The following SRPK2 variants were observed in gnomAD, a reference collection of about 807,000 sequenced individuals.
SRPK2 encodes the protein SRSF protein kinase 2.
Under a neutral mutation model 90.8 loss-of-function variants are expected in SRPK2, and 21 were observed. The ratio of observed to expected loss-of-function variants is 0.23; its 90% CI spans 0.16 to 0.33. The LOEUF is 0.33. SRPK2 is among the 10% of genes least tolerant of loss of function. The probability of loss-of-function intolerance (pLI) is 1.00; values close to 1 mark genes in which losing one functional copy is unlikely to be tolerated. For missense variants in SRPK2, 620 were observed against 869.0 expected (o/e 0.71, Z 3.60); for synonymous variants, 288 against 311.1 (o/e 0.93, Z 0.78).
At chr7:105,389,527 A>T (rs1032094968), upstream of SRPK2, 3 of 745,278 alleles carry the variant, frequency 4.0e-6, no homozygotes, top group Non-Finnish European at 5.3e-6. Flanking sequence ...GAAGGAAAAG[A>T]TACAGATAGC....
intron 2 of SRPK2, among the ~76,000 whole-genome samples, chr7:105,325,757 T>C (rs1813506062): frequency 6.6e-6 from 1 of 152,090 alleles, no homozygotes; most frequent in African/African-American, 2.4e-5. Flanking sequence ...GGGATACTGA[T>C]GCAGGGGGAT....
At chr7:105,286,991 G>A (rs1201322343) in intron 2 of SRPK2, among the ~76,000 whole-genome samples, 1 of 152,158 alleles carries the variant, frequency 6.6e-6, no homozygotes, top group African/African-American at 2.4e-5. Context: ...GCCGGGCGCG[G>A]TGGCTCACGC....
chr7:105,252,232 T>C (rs1435242702), intron 2 of SRPK2, among the ~76,000 whole-genome samples: 1 of 152,166 alleles, frequency 6.6e-6, no homozygotes, highest in Admixed American at 6.5e-5. Context: ...ATTACTAATT[T>C]GAGTTACAAT....
At chr7:105,121,655 G>A (rs1378460568) in intron 15 of SRPK2, among the ~76,000 whole-genome samples, 1 of 152,150 alleles carries the variant, frequency 6.6e-6, no homozygotes, top group Non-Finnish European at 1.5e-5. Flanking sequence ...GAAACAGCTT[G>A]AAAGAGCCAA....
chr7:105,183,466 G>GT (rs756098443), intron 3 of SRPK2, among the ~76,000 whole-genome samples: 1 of 151,660 alleles, frequency 6.6e-6, no homozygotes, highest in East Asian at 1.9e-4. Context: ...TGGCTAGCGG[G>GT]TTTTTTTTGT....
chr7:105,163,298 A>C (rs1328562036), intron 6 of SRPK2, among the ~76,000 whole-genome samples: 1 of 152,214 alleles, frequency 6.6e-6, no homozygotes. Flanking sequence ...GAATTCTAAA[A>C]TCAAAGCAAT....
At chr7:105,330,750 C>G (rs1814210753) in intron 2 of SRPK2, among the ~76,000 whole-genome samples, 1 of 151,926 alleles carries the variant, frequency 6.6e-6, no homozygotes, top group African/African-American at 2.4e-5. Context: ...GAGGCCAAGG[C>G]AGGAGGACTG....
At chr7:105,305,187 C>T (rs1431503030) in intron 2 of SRPK2, among the ~76,000 whole-genome samples, 3 of 152,160 alleles carry the variant, frequency 2.0e-5, no homozygotes, top group African/African-American at 7.2e-5. Flanking sequence ...TGCCTGTAAT[C>T]CCAGCACTTT....
intron 2 of SRPK2, among the ~76,000 whole-genome samples, chr7:105,249,626 G>C (rs1456211636): frequency 1.3e-5 from 2 of 151,968 alleles, no homozygotes; most frequent in African/African-American, 4.8e-5. Context: ...CACCATTTTG[G>C]GCATCAGTTT....
At position 105,301,507 on chromosome 7, in the gene SRPK2, G is replaced by A. The variant is rs537571002; in HGVS notation, c.71+87141C>T. The A allele has an allele frequency of 7.1e-5, 97 of 1,357,132 alleles. 2 individuals are homozygous for A. In the Middle Eastern group the frequency reaches 2.0e-3, roughly 28 times the overall value. The allele number at this position is 1,357,132 out of a possible 1,614,324, so 84.1% of individuals were successfully genotyped here. A position where few individuals can be genotyped will look rare whatever the true frequency, so the allele number is the denominator to read the frequency against. ...GCACCGTCCACTCAGGAGGCGCCCC[G>A]CAACCGGTGTGACGAGTGCCAACGA... is the stretch of plus-strand genomic sequence containing the variant. On this transcript the variant is annotated intron_variant, in intron 2 of 15. Coordinates refer to ENST00000393651, the MANE Select transcript of SRPK2 (RefSeq NM_182692.3).
At chr7:105,370,645 T>C (rs1223384998) in intron 2 of SRPK2, among the ~76,000 whole-genome samples, 1 of 142,832 alleles carries the variant, frequency 7.0e-6, no homozygotes, top group Non-Finnish European at 1.5e-5. Context: ...AGACAGACTC[T>C]CGCTCTGCAC....
At chr7:105,336,461 A>G (rs908300873) in intron 2 of SRPK2, among the ~76,000 whole-genome samples, 2 of 152,160 alleles carry the variant, frequency 1.3e-5, no homozygotes, top group African/African-American at 2.4e-5. Flanking sequence ...TCAAACATGT[A>G]TATGTACCAG....
At chr7:105,306,400 A>G in intron 2 of SRPK2, 1 of 412,516 alleles carries the variant, frequency 2.4e-6, no homozygotes, top group Non-Finnish European at 4.7e-6. Flanking sequence ...AGTACGTATC[A>G]CTAGAACCAA....
At chr7:105,314,176 T>A (rs924313859) in intron 2 of SRPK2, among the ~76,000 whole-genome samples, 2 of 151,566 alleles carry the variant, frequency 1.3e-5, no homozygotes, top group African/African-American at 4.8e-5. Context: ...ACTAAAAATA[T>A]GAAAAATTAA....
upstream of SRPK2, among the ~76,000 whole-genome samples, chr7:105,390,305 C>T (rs1822123845): frequency 1.3e-5 from 2 of 152,112 alleles, no homozygotes; most frequent in Admixed American, 6.6e-5. Context: ...TATCCCTTGT[C>T]GCTGATTTTC....
chr7:105,168,203 C>T lies in SRPK2; in HGVS notation c.339-108G>A, dbSNP rs1050443959. ...ATTGGAAAATGTAAAATCCAAAATG[C>T]GCCAAAACCTAAAACATTATGAGTG... On this transcript the variant is annotated intron_variant, in intron 4 of 15. Coordinates refer to ENST00000393651, the MANE Select transcript of SRPK2 (RefSeq NM_182692.3). The T allele has an allele frequency of 2.6e-5, 22 of 850,922 alleles. No individual in the cohort carries two copies. The African/African-American group carries it at 2.9e-4, about 11-fold the overall frequency. The allele number at this position is 850,922 out of a possible 1,614,324, so 52.7% of individuals were successfully genotyped here.
At chr7:105,139,599 T>A (rs1803399135) in intron 11 of SRPK2, among the ~76,000 whole-genome samples, 1 of 152,208 alleles carries the variant, frequency 6.6e-6, no homozygotes, top group South Asian at 2.1e-4. Flanking sequence ...ATAAGTCTTA[T>A]GACTTGCCTG....
intron 3 of SRPK2, among the ~76,000 whole-genome samples, chr7:105,187,546 T>C (rs1477975672): frequency 6.6e-6 from 1 of 152,226 alleles, no homozygotes; most frequent in Non-Finnish European, 1.5e-5. Flanking sequence ...CTGTCAGCTT[T>C]TACCTTCCTG....
chr7:105,204,512 C>T, intron 2 of SRPK2: 1 of 375,108 alleles, frequency 2.7e-6, no homozygotes, highest in Middle Eastern at 3.7e-4. Context: ...GGAAATAGGA[C>T]CCTACAGTCT....
Sources: gnomAD v4.1 joint callset for allele counts (sites outside exome capture counted in the v4.1 genomes callset) on GRCh38, gnomAD v4.1.1 for gene constraint, MANE v1.5 for transcripts, NCBI Gene and HGNC (gene_info 2026-07-23, HGNC 2026-07-21) for gene names.